DMD: variants seen among roughly 807,000 people sequenced by gnomAD.
DMD encodes dystrophin.
In DMD, 63 loss-of-function variants were observed where a neutral mutation model predicts 330.1. The observed-to-expected ratio is 0.19, with a 90% CI of 0.16 to 0.24. The LOEUF is 0.24. Ranked by LOEUF, DMD falls within the 10% of genes least tolerant of loss-of-function variation. The pLI, the probability that DMD is intolerant of heterozygous loss-of-function variation, is 1.00. For synonymous variants in DMD, 1,223 were observed against 959.8 expected (o/e 1.27, Z -5.07); for missense variants, 3,344 against 2,684.1 (o/e 1.25, Z -5.43).
At chrX:32,541,737 C>A (rs752238572) in intron 17 of DMD, among the ~76,000 whole-genome samples, 1 of 110,114 alleles carries the variant, frequency 9.1e-6, no homozygotes, top group South Asian at 3.9e-4. Context: ...TATCTGTACA[C>A]CAAACAGCCA....
At chrX:31,230,909 G>C (rs1249184025) in intron 63 of DMD, among the ~76,000 whole-genome samples, 1 of 111,681 alleles carries the variant, frequency 9.0e-6, no homozygotes, top group African/African-American at 3.3e-5. Context: ...ATTCAAATTA[G>C]TTTTGCTCAT....
At chrX:31,928,462 T>G (rs1255770184) in intron 47 of DMD, among the ~76,000 whole-genome samples, 1 of 110,828 alleles carries the variant, frequency 9.0e-6, no homozygotes, top group Admixed American at 9.6e-5. Flanking sequence ...AAAACTTAGC[T>G]GGGCATGCTG....
At chrX:32,558,933 A>ATTTTT (rs1569199318) in intron 16 of DMD, among the ~76,000 whole-genome samples, 1 of 64,319 alleles carries the variant, frequency 1.6e-5, no homozygotes, top group African/African-American at 7.4e-5. Flanking sequence ...GTAACTTCAA[A>ATTTTT]TTTTCTTTTT....
At chrX:32,821,643 A>G in intron 5 of DMD, among the ~76,000 whole-genome samples, 1 of 111,389 alleles carries the variant, frequency 9.0e-6, no homozygotes, top group Non-Finnish European at 1.9e-5. Context: ...AGTTTACCGA[A>G]TGAAGCCATG....
intron 11 of DMD, among the ~76,000 whole-genome samples, chrX:32,634,392 G>A (rs774134165): frequency 8.9e-6 from 1 of 111,958 alleles, no homozygotes; most frequent in African/African-American, 3.2e-5. Flanking sequence ...CTCCTTTCCT[G>A]AAGCAGAAGG....
At chrX:32,837,730 T>C (rs929549065) in intron 4 of DMD, among the ~76,000 whole-genome samples, 2 of 111,928 alleles carry the variant, frequency 1.8e-5, no homozygotes, top group African/African-American at 3.2e-5. Flanking sequence ...ATCACTTGGT[T>C]GCCTCAATGA....
At chrX:31,895,285 G>T (rs958517772) in intron 47 of DMD, among the ~76,000 whole-genome samples, 2 of 111,511 alleles carry the variant, frequency 1.8e-5, no homozygotes, top group African/African-American at 6.5e-5. Flanking sequence ...GCTATTCTGC[G>T]CAGCCCATTA....
Position 32,796,227 on chromosome X carries a change from C to T in DMD, c.649+13266G>A, listed in dbSNP as rs563094419. The stretch of plus-strand genomic sequence containing the variant: ...CTATTTATAATAGCAACTTAAGTGT[C>T]CATTAGTGAACAAATGGATAAAGAA... On this transcript the variant is annotated intron_variant, in intron 7 of 78. Transcript: ENST00000357033. Among the ~76,000 whole-genome samples the T allele has an allele frequency of 4.0e-4, 44 of 111,115 alleles. 1 individual carries two copies. In the South Asian group the frequency reaches 0.015, roughly 37 times the overall value.
chrX:31,551,076 A>G (rs1057269147), intron 55 of DMD, among the ~76,000 whole-genome samples: 8 of 108,202 alleles, frequency 7.4e-5, no homozygotes, highest in African/African-American at 2.4e-4. Context: ...GCTACTCAAG[A>G]GGCTGAGGCA....
intron 1 of DMD, among the ~76,000 whole-genome samples, chrX:33,218,240 T>C (rs2052094255): frequency 9.0e-6 from 1 of 111,537 alleles, no homozygotes; most frequent in African/African-American, 3.3e-5. Flanking sequence ...GTGTAAAAAT[T>C]TGTTAAGGCT....
intron 62 of DMD, among the ~76,000 whole-genome samples, chrX:31,271,574 C>T (rs763068330): frequency 9.0e-6 from 1 of 111,445 alleles, no homozygotes; most frequent in African/African-American, 3.3e-5. Flanking sequence ...GGGATGGTCC[C>T]GAGAGACTTC....
At chrX:33,237,356 G>T (rs1301719707) in intron 1 of DMD, among the ~76,000 whole-genome samples, 1 of 108,955 alleles carries the variant, frequency 9.2e-6, no homozygotes. Context: ...CGATTCTTCT[G>T]CCTCAGCCTC....
intron 1 of DMD, among the ~76,000 whole-genome samples, chrX:33,151,852 G>A (rs2048297057): frequency 8.9e-6 from 1 of 112,016 alleles, no homozygotes; most frequent in Non-Finnish European, 1.9e-5. Flanking sequence ...GCAGGCATGG[G>A]ACATGGTCCA....
In DMD at chrX:31,962,930, T is replaced by C. The variant is rs144714541; in HGVS notation, c.6614+5409A>G. On this transcript the variant is annotated intron_variant, in intron 45 of 78. Transcript: ENST00000357033. ...GATATACTGGGTACATTTAACATAT[T>C]GCACACACTGTAAAGAGCCATTTGA... 4.1e-3 allele frequency among the ~76,000 whole-genome samples: 456 copies of C among 112,016 alleles called. 2 individuals carry two copies. The highest frequency in any genetic ancestry group is 0.014 in the African/African-American group (436 of 30,863).
Position 33,190,675 on chromosome X carries a change from G to T in DMD, c.31+20607C>A, listed in dbSNP as rs2050492912. 9.4e-5 allele frequency among the ~76,000 whole-genome samples: 2 copies of T among 21,365 alleles called. 1 individual carries two copies. Among genetic ancestry groups the T allele is most frequent in the African/African-American group, 1.5e-4 (2 of 13,149 alleles). 18.6% of individuals were successfully genotyped at this position (21,365 alleles called of 115,157 possible). A position where few individuals can be genotyped will look rare whatever the true frequency, so the allele number is the denominator to read the frequency against. On this transcript the variant is annotated intron_variant, in intron 1 of 78. Coordinates refer to ENST00000357033, the MANE Select transcript of DMD (RefSeq NM_004006.3). ...GCTAATTTTTTGTATTTTTAGTAGA[G>T]ACGGGGTTTCACCTTGTTAGCCAGG...
intron 41 of DMD, among the ~76,000 whole-genome samples, chrX:32,341,309 T>A (rs1208245257): frequency 8.9e-6 from 1 of 111,889 alleles, no homozygotes; most frequent in Non-Finnish European, 1.9e-5. Flanking sequence ...TTCCTCTTCA[T>A]CTTACAAGTG....
At chrX:33,010,263 T>TGTGTGTATATGTGTACAA (rs2093670589) in intron 2 of DMD, among the ~76,000 whole-genome samples, 1 of 107,657 alleles carries the variant, frequency 9.3e-6, no homozygotes, top group South Asian at 3.8e-4. Flanking sequence ...TATGTACAAA[T>TGTGTGTATATGTGTACAA]ATGTGTGTAT....
chrX:32,872,055 C>T (rs1006507558), intron 2 of DMD, among the ~76,000 whole-genome samples: 1 of 111,167 alleles, frequency 9.0e-6, no homozygotes, highest in Non-Finnish European at 1.9e-5. Flanking sequence ...GACTGGATCC[C>T]AGTCATCGTT....
intron 47 of DMD, among the ~76,000 whole-genome samples, chrX:31,923,969 C>T (rs969637790): frequency 6.2e-5 from 7 of 112,122 alleles, no homozygotes; most frequent in Non-Finnish European, 1.1e-4. Flanking sequence ...GTTACAAATA[C>T]ACTTCAAGGG....
Sources: gnomAD v4.1 joint callset for allele counts (sites outside exome capture counted in the v4.1 genomes callset) on GRCh38, gnomAD v4.1.1 for gene constraint, MANE v1.5 for transcripts, NCBI Gene and HGNC (gene_info 2026-07-23, HGNC 2026-07-21) for gene names.